TCEA2: variants seen among roughly 807,000 people sequenced by gnomAD.
TCEA2 encodes the protein transcription elongation factor A protein 2.
A neutral mutation model predicts 40.8 loss-of-function variants in TCEA2; 21 were observed. That is an observed-to-expected ratio of 0.51 (90% CI 0.36 to 0.74). The LOEUF is 0.74. TCEA2 is among the 30% of genes least tolerant of loss of function. The pLI, the probability that TCEA2 is intolerant of heterozygous loss-of-function variation, is 0.00. For missense variants in TCEA2, 326 were observed against 426.5 expected (o/e 0.76, Z 2.08); for synonymous variants, 165 against 162.7 (o/e 1.01, Z -0.11).
intron 1 of TCEA2, chr20:64,063,747 T>C (rs1175519759): frequency 8.1e-6 from 2 of 246,674 alleles, no homozygotes; most frequent in East Asian, 9.2e-5. Context: ...CTTGGCCCTG[T>C]CCCGCCTCTC....
At position 64,069,363 on chromosome 20, in the gene TCEA2, G is replaced by A. The variant is rs776003210; in HGVS notation, c.332G>A (p.Arg111His). 21 of 1,580,792 alleles carry A rather than the reference G, an allele frequency of 1.3e-5. No homozygotes were observed. Among genetic ancestry groups the A allele is most frequent in the Admixed American group, 1.1e-4 (6 of 54,728 alleles). The part of the protein sequence containing the change: ...RDASEAPDPS[R>H]KRPELPRAPS... ...CAGCTGGCCCTGGCTCTCTGCAGCCGCAAGAGGCCGGAGCTGCCCAGGGCA... is the reference window on the plus strand; with the variant it reads ...CAGCTGGCCCTGGCTCTCTGCAGCCACAAGAGGCCGGAGCTGCCCAGGGCA... The change falls in exon 5 of 10, where the codon CGC becomes CAC. Residue 111 changes from arginine (R) to histidine (H), a missense_variant and splice_region_variant. Arg to His is a conservative substitution (Grantham distance 29). Coordinates refer to ENST00000343484, the MANE Select transcript of TCEA2 (RefSeq NM_003195.6).
At chr20:64,063,569 C>T (rs2145456578) in intron 1 of TCEA2, 185 bp downstream of exon 1, 5 of 677,820 alleles carry the variant, frequency 7.4e-6, no homozygotes, top group Admixed American at 2.9e-5. Flanking sequence ...CGGGCCAGCC[C>T]TGCCGTTCAC....
rs2059497240 is a variant in TCEA2 at position 64,058,069 on chromosome 20, T to C, written c.-84+418T>C. ...CAGGATGGGCCTACACCTCTCCGCC[T>C]GCAGTAGTTGCTTCCACGCAGGACT... On this transcript the variant is annotated intron_variant, in intron 1 of 10. Coordinates refer to the TCEA2 transcript ENST00000361317. This position sits in a 1 kb window ranked among gnomAD's most constrained non-coding sequence, Gnocchi z 6.7. Among the ~76,000 whole-genome samples, 1 of 152,208 alleles carries C rather than the reference T, an allele frequency of 6.6e-6. No homozygotes were observed. Among genetic ancestry groups the C allele is most frequent in the Non-Finnish European group, 1.5e-5 (1 of 68,022 alleles).
At chr20:64,070,098 C>T (rs1474915645) in intron 6 of TCEA2, 162 bp from the exon 7 acceptor site, 3 of 1,139,046 alleles carry the variant, frequency 2.6e-6, no homozygotes, top group Admixed American at 2.1e-5. Context: ...AGGCTTGGCC[C>T]TGCAGCCCTT....
At chr20:64,067,971 C>A in intron 3 of TCEA2, 76 bp from the exon 4 acceptor site, 2 of 1,160,622 alleles carry the variant, frequency 1.7e-6, no homozygotes, top group Non-Finnish European at 1.2e-6. Context: ...CGGGCTGAGG[C>A]TGTACCTTGG....
At chr20:64,058,404 C>T (rs2059502418), upstream of TCEA2, among the ~76,000 whole-genome samples, 1 of 152,268 alleles carries the variant, frequency 6.6e-6, no homozygotes, top group South Asian at 2.1e-4. The surrounding 1 kb of genome is among the most constrained non-coding windows in gnomAD (Gnocchi z 6.7). Context: ...TCTGCAGCCT[C>T]TGTGGGCCTC....
At chr20:64,063,769 G>C (rs2059623380) in intron 1 of TCEA2, 1 of 224,332 alleles carries the variant, frequency 4.5e-6, no homozygotes, top group Admixed American at 5.8e-5. Context: ...GAGCCCCCGG[G>C]GTGTTCGGGC....
Position 64,072,300 on chromosome 20 carries a change from G to C in TCEA2, c.*120G>C. The C allele has an allele frequency of 9.3e-7, 1 of 1,075,186 alleles. No homozygotes were observed. The highest frequency in any genetic ancestry group is 1.4e-6 in the Non-Finnish European group (1 of 728,926). The allele number at this position is 1,075,186 out of a possible 1,614,324, so 66.6% of individuals were successfully genotyped here. A position where few individuals can be genotyped will look rare whatever the true frequency, so the allele number is the denominator to read the frequency against. ...TGCCCTCAACCTGCCTGCCTGGATT[G>C]CACCTTTCTGCCCTTTCCCCCTCAT... is the stretch of plus-strand genomic sequence containing the variant. On this transcript the variant is annotated 3_prime_UTR_variant, in exon 10 of 10. Transcript: ENST00000343484.
At chr20:64,060,060 C>T (rs1404388925), upstream of TCEA2, among the ~76,000 whole-genome samples, 1 of 152,228 alleles carries the variant, frequency 6.6e-6, no homozygotes, top group Non-Finnish European at 1.5e-5. Flanking sequence ...CCTCCTCTGG[C>T]AGCTCCTTGA....
chr20:64,066,409 G>T, intron 1 of TCEA2, 67 bp from the exon 2 acceptor site: 1 of 1,552,782 alleles, frequency 6.4e-7, no homozygotes, highest in Non-Finnish European at 8.9e-7. Context: ...CCTCCAGTAG[G>T]CAGAAGGAGG....
intron 1 of TCEA2, among the ~76,000 whole-genome samples, chr20:64,065,051 C>G (rs1052458993): frequency 6.6e-6 from 1 of 152,066 alleles, no homozygotes; most frequent in Non-Finnish European, 1.5e-5. Context: ...GAGGCGGGCG[C>G]TGTGCAGTGG....
chr20:64,060,919 A>G (rs1316174372), upstream of TCEA2, among the ~76,000 whole-genome samples: 1 of 151,228 alleles, frequency 6.6e-6, no homozygotes, highest in Non-Finnish European at 1.5e-5. Context: ...CCTCCTGAGT[A>G]GTTGGGACTA....
At position 64,058,120 on chromosome 20, in the gene TCEA2, T is replaced by A. The variant is rs894639812; in HGVS notation, c.-84+469T>A. 1.3e-5 allele frequency among the ~76,000 whole-genome samples: 2 copies of A among 152,210 alleles called. No homozygotes were observed. ...AGAGCATGTCAGGGTTCGGGGCTCC[T>A]GTCATAGCGGAGTGGCTGCGGCCCG... On this transcript the variant is annotated intron_variant, in intron 1 of 10. Coordinates refer to the TCEA2 transcript ENST00000361317. This position sits in a 1 kb window ranked among gnomAD's most constrained non-coding sequence, Gnocchi z 6.7.
At chr20:64,067,587 C>T (rs1434217494) in intron 3 of TCEA2, among the ~76,000 whole-genome samples, 1 of 152,174 alleles carries the variant, frequency 6.6e-6, no homozygotes, top group Non-Finnish European at 1.5e-5. Flanking sequence ...TAGCTCTGTC[C>T]ACACCCTTGT....
intron 8 of TCEA2, among the ~76,000 whole-genome samples, chr20:64,071,102 C>A (rs2059818398): frequency 6.6e-6 from 1 of 152,166 alleles, no homozygotes; most frequent in South Asian, 2.1e-4. Flanking sequence ...GTAATCCCAG[C>A]ACTTTGGGAG....
At chr20:64,059,493 C>T (rs1241354198), upstream of TCEA2, among the ~76,000 whole-genome samples, 1 of 152,182 alleles carries the variant, frequency 6.6e-6, no homozygotes, top group Non-Finnish European at 1.5e-5. Flanking sequence ...CTCTGGGACA[C>T]TCTCTGCACC....
At chr20:64,070,824 C>T (rs1005858462) in intron 8 of TCEA2, among the ~76,000 whole-genome samples, 189 bp downstream of exon 8, 3 of 152,232 alleles carry the variant, frequency 2.0e-5, no homozygotes, top group Non-Finnish European at 2.9e-5. Context: ...CTGGGCTCCA[C>T]GGGGCGGCGT....
At chr20:64,069,975 A>T in intron 6 of TCEA2, 154 bp downstream of exon 6, 1 of 1,012,172 alleles carries the variant, frequency 9.9e-7, no homozygotes, top group Non-Finnish European at 1.5e-6. Context: ...AGGCTGTCTC[A>T]CCTCAGGAGG....
chr20:64,058,489 G>A (rs1011685500), upstream of TCEA2, among the ~76,000 whole-genome samples: 3 of 152,260 alleles, frequency 2.0e-5, no homozygotes, highest in Non-Finnish European at 1.5e-5. The surrounding 1 kb of genome is among the most constrained non-coding windows in gnomAD (Gnocchi z 6.7). Context: ...GCCCCAGGAC[G>A]TAGAAGACCA....
Sources: allele counts gnomAD v4.1 joint callset (sites outside exome capture counted in the v4.1 genomes callset), GRCh38; gene constraint gnomAD v4.1.1; non-coding constraint Gnocchi (gnomAD v3.1); transcripts MANE v1.5; gene names NCBI Gene and HGNC (gene_info 2026-07-23, HGNC 2026-07-21).